CPT1B: variants seen among roughly 807,000 people sequenced by gnomAD.
CPT1B encodes carnitine palmitoyltransferase 1B.
CPT1B carries 57 observed loss-of-function variants against 92.7 expected under a neutral mutation model. The observed-to-expected ratio is 0.62, with a 90% CI of 0.50 to 0.77. The LOEUF (loss-of-function observed/expected upper bound fraction) is 0.77. Among genes scored for constraint, CPT1B ranks in the 30% least tolerant of loss-of-function variants. CPT1B has a pLI of 0.00. For missense variants in CPT1B, 983 were observed against 1,017.4 expected (o/e 0.97, Z 0.46); for synonymous variants, 398 against 383.5 (o/e 1.04, Z -0.44).
At chr22:50,572,425 A>C in intron 11 of CPT1B, 117 bp from the exon 12 acceptor site, 2 of 666,562 alleles carry the variant, frequency 3.0e-6, no homozygotes, top group Admixed American at 2.8e-5. Flanking sequence ...TTTTTCTCTC[A>C]CTTTTTTTTT....
At position 50,574,360 on chromosome 22, in the gene CPT1B, G is replaced by A. The variant is rs756433718; in HGVS notation, c.945C>T (p.Thr315=). Reference sequence around the variant, plus strand: ...CTGTGTCCTTGCCCGGGATCCGAGTGGTGTTGAACATCCTCTCCATCTGGT... The same window carrying A: ...CTGTGTCCTTGCCCGGGATCCGAGTAGTGTTGAACATCCTCTCCATCTGGT... The part of the protein sequence containing the change: ...CSYQMERMFN[T]TRIPGKDTDV... Residue 315 remains threonine (T), a synonymous_variant, in exon 9 of 20, where the codon ACC becomes ACT. Coordinates refer to ENST00000312108, the MANE Select transcript of CPT1B (RefSeq NM_152246.3). The A allele has an allele frequency of 8.1e-6, 13 of 1,613,844 alleles. No homozygotes were observed. Among genetic ancestry groups the A allele is most frequent in the Middle Eastern group, 1.7e-4 (1 of 6,058 alleles).
chr22:50,575,149 G>T (rs963498183), intron 7 of CPT1B, among the ~76,000 whole-genome samples: 3 of 152,068 alleles, frequency 2.0e-5, no homozygotes, highest in African/African-American at 7.2e-5. Flanking sequence ...GAGTAGCTGG[G>T]ACTACAGACG....
At chr22:50,570,027 A>T (rs1037377967) in intron 17 of CPT1B, among the ~76,000 whole-genome samples, 2 of 152,226 alleles carry the variant, frequency 1.3e-5, no homozygotes, top group Admixed American at 1.3e-4. Flanking sequence ...TGCACTGCCC[A>T]GTACCCTGGA....
At chr22:50,572,668 T>G (rs1196144723) in intron 11 of CPT1B, among the ~76,000 whole-genome samples, 1 of 152,202 alleles carries the variant, frequency 6.6e-6, no homozygotes, top group African/African-American at 2.4e-5. Flanking sequence ...TAACTACTTT[T>G]ATGAAGGGGT....
At position 50,577,905 on chromosome 22, in the gene CPT1B, G is replaced by C. The variant is rs1356358540; in HGVS notation, c.11C>G (p.Ala4Gly). Residue 4 changes from alanine to glycine, a missense_variant, in exon 2 of 20, where the codon GCT becomes GGT. Physicochemically the swap from Ala to Gly is moderately conservative, Grantham distance 60. Transcript: ENST00000312108. ...GAACTGGAAGGCCACGGCCTGGTGA[G>C]CTTCCGCCATCCTGGGGGTTGGTCG... MAE[A>G]HQAVAFQFTV... 2 of 1,610,302 alleles carry C rather than the reference G, an allele frequency of 1.2e-6. No individual in the cohort carries two copies. Among genetic ancestry groups the C allele is most frequent in the Non-Finnish European group, 1.7e-6 (2 of 1,177,718 alleles).
chr22:50,577,655 C>T (rs575664055), intron 2 of CPT1B, 120 bp downstream of exon 2: 3 of 1,481,206 alleles, frequency 2.0e-6, no homozygotes, highest in African/African-American at 1.4e-5. Context: ...GGTGTCTGTA[C>T]TTCCACAACC....
At chr22:50,575,467 C>T (rs1402452621) in intron 7 of CPT1B, among the ~76,000 whole-genome samples, 10 of 152,198 alleles carry the variant, frequency 6.6e-5, no homozygotes, top group Non-Finnish European at 1.3e-4. Context: ...TTCCAGTAGG[C>T]TCTGGCAAGT....
intron 16 of CPT1B, 47 bp from the exon 17 acceptor site, chr22:50,570,453 C>G: frequency 1.4e-6 from 2 of 1,431,244 alleles, no homozygotes; most frequent in Non-Finnish European, 1.9e-6. Flanking sequence ...CCCAAAGCAC[C>G]TGTCCAACAC....
Position 50,577,477 on chromosome 22 carries a change from C to T in CPT1B, c.142-14G>A, listed in dbSNP as rs1569049071. ...GAGGATGCCATTCTGTGGGCAGAAA[C>T]AGGCGCCCTTATGGAGCCGGAAGGC... On this transcript the variant is annotated splice_polypyrimidine_tract_variant and intron_variant, in intron 2 of 19. Transcript: ENST00000312108. 1.2e-6 allele frequency: 2 copies of T among 1,613,144 alleles called. No homozygotes were observed. The highest frequency in any genetic ancestry group is 2.2e-5 in the East Asian group (1 of 44,880).
In CPT1B at chr22:50,576,640, G is replaced by T. The variant is rs6520156; in HGVS notation, c.460-3C>A. On this transcript the variant is annotated splice_region_variant and splice_polypyrimidine_tract_variant and intron_variant, in intron 4 of 19. Coordinates refer to ENST00000312108, the MANE Select transcript of CPT1B (RefSeq NM_152246.3). ...CTGGATAGAAGGCGGATACACATCT[G>T]GGGGTACAGAGCAGAGTGCTGGGGT... is the stretch of plus-strand genomic sequence containing the variant. 4 of 1,610,600 alleles carry T rather than the reference G, an allele frequency of 2.5e-6. No homozygotes were observed. Among genetic ancestry groups the T allele is most frequent in the Non-Finnish European group, 3.4e-6 (4 of 1,178,506 alleles).
intron 2 of CPT1B, 40 bp downstream of exon 2, chr22:50,577,735 C>T (rs771345792): frequency 5.6e-6 from 9 of 1,602,270 alleles, no homozygotes; most frequent in Admixed American, 1.7e-5. Context: ...AGCTGACAGC[C>T]GGCCTCTGCC....
intron 11 of CPT1B, 54 bp downstream of exon 11, chr22:50,572,821 A>G: frequency 1.3e-6 from 2 of 1,559,414 alleles, no homozygotes; most frequent in Non-Finnish European, 1.8e-6. Context: ...TCCTCTAACC[A>G]TAACCCTAAC....
Position 50,571,170 on chromosome 22 carries a change from C to G in CPT1B, c.1863G>C (p.Glu621Asp), listed in dbSNP as rs759279643. The G allele has an allele frequency of 1.9e-6, 3 of 1,614,132 alleles. No homozygotes were observed. Among genetic ancestry groups the G allele is most frequent in the Non-Finnish European group, 2.5e-6 (3 of 1,180,008 alleles). ...AGAGGACACTTACTGTGTGGGACCC[C>G]TCCATCATGGCCTGCACAAAGGCTG... ...ESTAFVQAMM[E>D]GSHTKADLRD... The change falls in exon 15 of 20, where the codon GAG becomes GAC. Residue 621 changes from glutamate (E) to aspartate (D), a missense_variant. Physicochemically the swap from Glu to Asp is conservative, Grantham distance 45 (BLOSUM62 2). Coordinates refer to ENST00000312108, the MANE Select transcript of CPT1B (RefSeq NM_152246.3).
In CPT1B at chr22:50,573,742, A is replaced by C. The variant is rs781516690; in HGVS notation, c.971-27T>G. The C allele has an allele frequency of 6.2e-7, 1 of 1,600,420 alleles. No homozygotes were observed. Among genetic ancestry groups the C allele is most frequent in the East Asian group, 2.3e-5 (1 of 44,228 alleles). On this transcript the variant is annotated intron_variant, in intron 9 of 19. Coordinates refer to ENST00000312108, the MANE Select transcript of CPT1B (RefSeq NM_152246.3). The surrounding 1 kb of genome is among the most constrained non-coding windows in gnomAD (Gnocchi z 5.0). ...TGTGATACAGGCCACGGGCAAGCTG[A>C]GGCGGGGCCCCCAGCTACATCCTGG...
chr22:50,571,219 A>G lies in CPT1B; in HGVS notation c.1814T>C (p.Val605Ala). The change falls in exon 15 of 20, where the codon GTG becomes GCG. Residue 605 changes from valine to alanine, a missense_variant. Val to Ala is a moderately conservative substitution (Grantham distance 64). Transcript: ENST00000312108. ...TGTGGACTCGCTGGTACAGGAACGC[A>G]CAGTCTCAGTCCGTCCCTCCCGGAA... ...RMFREGRTET[V>A]RSCTSESTAF... The G allele has an allele frequency of 1.9e-6, 3 of 1,614,126 alleles. No individual in the cohort carries two copies. Among genetic ancestry groups the G allele is most frequent in the Non-Finnish European group, 2.5e-6 (3 of 1,180,012 alleles).
At position 50,569,418 on chromosome 22, in the gene CPT1B, C is replaced by G; in HGVS notation, c.2239G>C (p.Ala747Pro). Reference sequence around the variant, plus strand: ...CGGATGTGGTTTCCAAAGCGCTGGGCGTTCTGTGGGAGCCAAGAGTTCAGA... The same window carrying G: ...CGGATGTGGTTTCCAAAGCGCTGGGGGTTCTGTGGGAGCCAAGAGTTCAGA... Reference protein sequence around the residue: ...SSKFSSSETNAQRFGNHIRKA... With the variant: ...SSKFSSSETNPQRFGNHIRKA... Residue 747 changes from alanine to proline, a missense_variant, in exon 19 of 20, where the codon GCC (alanine) becomes CCC (proline). Coordinates refer to ENST00000312108, the MANE Select transcript of CPT1B (RefSeq NM_152246.3). 1 of 1,614,046 alleles carries G rather than the reference C, an allele frequency of 6.2e-7. No individual in the cohort carries two copies. The highest frequency in any genetic ancestry group is 8.5e-7 in the Non-Finnish European group (1 of 1,179,978).
At position 50,569,324 on chromosome 22, in the gene CPT1B, C is replaced by T; in HGVS notation, c.*2+12G>A. The T allele has an allele frequency of 6.2e-7, 1 of 1,613,362 alleles. No homozygotes were observed. Among genetic ancestry groups the T allele is most frequent in the Non-Finnish European group, 8.5e-7 (1 of 1,179,516 alleles). On this transcript the variant is annotated intron_variant, in intron 19 of 19. Transcript: ENST00000312108. The stretch of plus-strand genomic sequence containing the variant: ...AGTGTGGGGACGAAAGGGCAGCTGG[C>T]ATTTCTCCAACCTTCAGCTGTAGGC...
At chr22:50,574,007 C>T in intron 9 of CPT1B, 1 of 696,498 alleles carries the variant, frequency 1.4e-6, no homozygotes, top group South Asian at 1.5e-5. Flanking sequence ...GCAGGGAAGG[C>T]TGCTGCCTCT....
Position 50,572,893 on chromosome 22 carries a change from T to A in CPT1B, c.1334A>T (p.His445Leu), listed in dbSNP as rs144799109. ...GCCGTACCTGTTGTAGCAGTTGCCA[T>A]GTAGCAGGGCCTTGCCATAGAGGCT... The part of the protein sequence containing the change: ...SLSLYGKALL[H>L]GNCYNRWFDK... The change falls in exon 11 of 20, where the codon CAT becomes CTT. Residue 445 changes from histidine (H) to leucine (L), a missense_variant. Transcript: ENST00000312108. The A allele has an allele frequency of 4.8e-5, 77 of 1,606,598 alleles. No homozygotes were observed. Among genetic ancestry groups the A allele is most frequent in the Non-Finnish European group, 6.4e-5 (75 of 1,173,958 alleles).
Sources: gnomAD v4.1 joint callset for allele counts (sites outside exome capture counted in the v4.1 genomes callset) on GRCh38, gnomAD v4.1.1 for gene constraint, Gnocchi (gnomAD v3.1) non-coding constraint, MANE v1.5 for transcripts, NCBI Gene and HGNC (gene_info 2026-07-23, HGNC 2026-07-21) for gene names.